OR51D1: variants seen among roughly 807,000 people sequenced by gnomAD.
The protein encoded by OR51D1 is olfactory receptor 51D1.
For missense variants in OR51D1, 452 were observed against 396.2 expected (o/e 1.14, Z -1.20); for synonymous variants, 187 against 161.1 (o/e 1.16, Z -1.22).
Position 4,640,742 on chromosome 11 carries a change from A to T in OR51D1, c.952A>T (p.Met318Leu), listed in dbSNP as rs762523485. ...AGAGATCTGTTCAAGGGTCCTCTGTATGTTCTCACAAGGTGGCAAGTGAGA... is the reference window on the plus strand; with the variant it reads ...AGAGATCTGTTCAAGGGTCCTCTGTTTGTTCTCACAAGGTGGCAAGTGAGA... ...TKEICSRVLC[M>L]FSQGGK Residue 318 changes from methionine to leucine, a missense_variant, in exon 2 of 2, where the codon ATG becomes TTG. Transcript: ENST00000641817. The T allele has an allele frequency of 6.8e-6, 11 of 1,611,416 alleles. No homozygotes were observed. The highest frequency in any genetic ancestry group is 8.5e-6 in the Non-Finnish European group (10 of 1,178,528).
chr11:4,639,653 T>C, intron 1 of OR51D1, 124 bp from the exon 2 acceptor site: 2 of 870,230 alleles, frequency 2.3e-6, no homozygotes, highest in East Asian at 4.9e-5. Context: ...GGGTTCAGAA[T>C]TACCAGGATG....
chr11:4,638,345 A>C (rs936415781), intron 1 of OR51D1, among the ~76,000 whole-genome samples: 5 of 152,140 alleles, frequency 3.3e-5, no homozygotes, highest in Admixed American at 1.3e-4. Context: ...ATCCAGGTAG[A>C]ACTATCAAGG....
In OR51D1 at chr11:4,640,048, C is replaced by G. The variant is rs753045991; in HGVS notation, c.258C>G (p.Leu86=). The G allele has an allele frequency of 2.5e-6, 4 of 1,614,166 alleles. No individual in the cohort carries two copies. Among genetic ancestry groups the G allele is most frequent in the Non-Finnish European group, 2.5e-6 (3 of 1,180,020 alleles). Residue 86 remains leucine (L), a synonymous_variant, in exon 2 of 2, where the codon CTC becomes CTG. Transcript: ENST00000641817. ...LAMLSTIDLV[L]SSITMPKMAS... ...TGCTTTCCACTATTGACCTAGTCCT[C>G]TCCTCTATCACCATGCCCAAGATGG... is the stretch of plus-strand genomic sequence containing the variant.
At position 4,639,904 on chromosome 11, in the gene OR51D1, T is replaced by C. The variant is rs1846940751; in HGVS notation, c.114T>C (p.Phe38=). Residue 38 remains phenylalanine, a synonymous_variant, in exon 2 of 2, where the codon TTT becomes TTC. Coordinates refer to ENST00000641817, the MANE Select transcript of OR51D1 (RefSeq NM_001004751.3). ...CTGGCCTGGGGCCTACCATACACTTTTGGCTGGCTTTCCCACTGTGTTTTA... is the reference window on the plus strand; with the variant it reads ...CTGGCCTGGGGCCTACCATACACTTCTGGCTGGCTTTCCCACTGTGTTTTA... The part of the protein sequence containing the change: ...GIPGLGPTIH[F]WLAFPLCFMY... 1 of 1,614,218 alleles carries C rather than the reference T, an allele frequency of 6.2e-7. No individual in the cohort carries two copies. The highest frequency in any genetic ancestry group is 8.5e-7 in the Non-Finnish European group (1 of 1,180,034).
rs1589859019 is a variant in OR51D1, at chr11:4,641,198, T to C, written c.*433T>C. 6.1e-6 allele frequency: 1 copy of C among 164,346 alleles called. No homozygotes were observed. The highest frequency in any genetic ancestry group is 1.3e-5 in the Non-Finnish European group (1 of 75,036). 10.2% of individuals were successfully genotyped at this position (164,346 alleles called of 1,614,324 possible). ...AGCCATAATCAGGGGTTAATGAAGGTATTTGGGGAATAGTAACTGGAGAGA... is the reference window on the plus strand; with the variant it reads ...AGCCATAATCAGGGGTTAATGAAGGCATTTGGGGAATAGTAACTGGAGAGA... On this transcript the variant is annotated 3_prime_UTR_variant, in exon 2 of 2. Coordinates refer to ENST00000641817, the MANE Select transcript of OR51D1 (RefSeq NM_001004751.3).
Position 4,640,328 on chromosome 11 carries a change from T to C in OR51D1, c.538T>C (p.Ser180Pro). 6.2e-7 allele frequency: 1 copy of C among 1,614,166 alleles called. No individual in the cohort carries two copies. Among genetic ancestry groups the C allele is most frequent in the South Asian group, 1.1e-5 (1 of 91,080 alleles). ...ACTGCCCTTCATCCTCAAGTGGTTG[T>C]CCTACTGCCAAACACATACTGTCAC... is the stretch of plus-strand genomic sequence containing the variant. ...FPLPFILKWLSYCQTHTVTHS... is the reference protein window; with the variant it reads ...FPLPFILKWLPYCQTHTVTHS... The change falls in exon 2 of 2, where the codon TCC becomes CCC. Residue 180 changes from serine (S) to proline (P), a missense_variant. Transcript: ENST00000641817.
In OR51D1 at chr11:4,642,310, G is replaced by A. The variant is rs537286764; in HGVS notation, c.*1545G>A. On this transcript the variant is annotated 3_prime_UTR_variant, in exon 2 of 2. Coordinates refer to ENST00000641817, the MANE Select transcript of OR51D1 (RefSeq NM_001004751.3). ...TAAACCCTGCCCTCCTGCCTCAATA[G>A]CAAGTCATGGTATCCTCACCTCTCC... 6.6e-6 allele frequency: 1 copy of A among 152,270 alleles called. No homozygotes were observed. The highest frequency in any genetic ancestry group is 1.9e-4 in the East Asian group (1 of 5,178). The allele number at this position is 152,270 out of a possible 1,614,324, so 9.4% of individuals were successfully genotyped here. A position where few individuals can be genotyped will look rare whatever the true frequency, so the allele number is the denominator to read the frequency against.
intron 1 of OR51D1, among the ~76,000 whole-genome samples, chr11:4,638,982 A>G (rs1449366992): frequency 6.6e-6 from 1 of 152,146 alleles, no homozygotes; most frequent in Non-Finnish European, 1.5e-5. Flanking sequence ...TAATAGAGGC[A>G]GGGTTTCACC....
chr11:4,640,687 C>A lies in OR51D1; in HGVS notation c.897C>A (p.Val299=). The change falls in exon 2 of 2, where the codon GTC becomes GTA. Residue 299 remains valine (V), a synonymous_variant. Transcript: ENST00000641817. Reference sequence around the variant, plus strand: ...CCTACTTGCTGCTACCACCTGTAGTCAACCCCCTTGTCTATGGAGCCAAGA... The same window carrying A: ...CCTACTTGCTGCTACCACCTGTAGTAAACCCCCTTGTCTATGGAGCCAAGA... ...ANTYLLLPPV[V]NPLVYGAKTK... 2 of 1,614,010 alleles carry A rather than the reference C, an allele frequency of 1.2e-6. No individual in the cohort carries two copies. The highest frequency in any genetic ancestry group is 1.7e-6 in the Non-Finnish European group (2 of 1,179,998).
At position 4,640,326 on chromosome 11, in the gene OR51D1, T is replaced by G. The variant is rs1253764000; in HGVS notation, c.536T>G (p.Leu179Trp). Residue 179 changes from leucine (L) to tryptophan (W), a missense_variant, in exon 2 of 2, where the codon TTG becomes TGG. Transcript: ENST00000641817. ...FFPLPFILKW[L>W]SYCQTHTVTH... ...CCACTGCCCTTCATCCTCAAGTGGT[T>G]GTCCTACTGCCAAACACATACTGTC... is the stretch of plus-strand genomic sequence containing the variant. 8 of 1,614,164 alleles carry G rather than the reference T, an allele frequency of 5.0e-6. No homozygotes were observed. Among genetic ancestry groups the G allele is most frequent in the Middle Eastern group, 1.6e-4 (1 of 6,062 alleles).
In OR51D1 at chr11:4,640,114, C is replaced by T. The variant is rs577409260; in HGVS notation, c.324C>T (p.Asn108=). 1 of 1,614,240 alleles carries T rather than the reference C, an allele frequency of 6.2e-7. No homozygotes were observed. The highest frequency in any genetic ancestry group is 1.7e-5 in the Admixed American group (1 of 60,026). ...TGGGCATCCAGGAGATCGAGTTCAACATTTGCCTGGCCCAGATGTTCCTTA... is the reference window on the plus strand; with the variant it reads ...TGGGCATCCAGGAGATCGAGTTCAATATTTGCCTGGCCCAGATGTTCCTTA... The part of the protein sequence containing the change: ...FLMGIQEIEF[N]ICLAQMFLIH... The change falls in exon 2 of 2, where the codon AAC becomes AAT. Residue 108 remains asparagine (N), a synonymous_variant. Transcript: ENST00000641817.
rs1300555946 is a variant in OR51D1 at position 4,642,217 on chromosome 11, G to A, written c.*1452G>A. ...CACACCTTCTTCATCCTGAACACAA[G>A]GATTTCAAGGGCTTTTGTTACCTCT... On this transcript the variant is annotated 3_prime_UTR_variant, in exon 2 of 2. Coordinates refer to ENST00000641817, the MANE Select transcript of OR51D1 (RefSeq NM_001004751.3). 6.6e-6 allele frequency: 1 copy of A among 152,134 alleles called. No individual in the cohort carries two copies. The highest frequency in any genetic ancestry group is 1.5e-5 in the Non-Finnish European group (1 of 68,052). The allele number at this position is 152,134 out of a possible 1,614,324, so 9.4% of individuals were successfully genotyped here.
In OR51D1 at chr11:4,640,984, G is replaced by A. The variant is rs1846961861; in HGVS notation, c.*219G>A. 18 of 482,074 alleles carry A rather than the reference G, an allele frequency of 3.7e-5. No homozygotes were observed. Among genetic ancestry groups the A allele is most frequent in the Middle Eastern group, 5.4e-4 (1 of 1,850 alleles). The allele number at this position is 482,074 out of a possible 1,614,324, so 29.9% of individuals were successfully genotyped here. A position where few individuals can be genotyped will look rare whatever the true frequency, so the allele number is the denominator to read the frequency against. ...CTGCACTAGTCCCTCTGCTATGGTGGTCTTGCCTTCTCCTTCTCTCTCAGC... is the reference window on the plus strand; with the variant it reads ...CTGCACTAGTCCCTCTGCTATGGTGATCTTGCCTTCTCCTTCTCTCTCAGC... On this transcript the variant is annotated 3_prime_UTR_variant, in exon 2 of 2. Transcript: ENST00000641817.
At chr11:4,639,392 T>C (rs991036703) in intron 1 of OR51D1, among the ~76,000 whole-genome samples, 1 of 152,154 alleles carries the variant, frequency 6.6e-6, no homozygotes, top group Non-Finnish European at 1.5e-5. Context: ...AGCTGGTCAA[T>C]GTGGACCATT....
In OR51D1 at chr11:4,640,079, C is replaced by G; in HGVS notation, c.289C>G (p.Leu97Val). Reference protein sequence around the residue: ...SSITMPKMASLFLMGIQEIEF... With the variant: ...SSITMPKMASVFLMGIQEIEF... ...TATCACCATGCCCAAGATGGCCAGTCTTTTCCTGATGGGCATCCAGGAGAT... is the reference window on the plus strand; with the variant it reads ...TATCACCATGCCCAAGATGGCCAGTGTTTTCCTGATGGGCATCCAGGAGAT... The change falls in exon 2 of 2, where the codon CTT (leucine) becomes GTT (valine). Residue 97 changes from leucine (L) to valine (V), a missense_variant. Coordinates refer to ENST00000641817, the MANE Select transcript of OR51D1 (RefSeq NM_001004751.3). 1 of 1,614,134 alleles carries G rather than the reference C, an allele frequency of 6.2e-7. No homozygotes were observed. The highest frequency in any genetic ancestry group is 1.1e-5 in the South Asian group (1 of 91,084).
At chr11:4,638,204 GA>G (rs1846920805) in intron 1 of OR51D1, among the ~76,000 whole-genome samples, 1 of 152,174 alleles carries the variant, frequency 6.6e-6, no homozygotes, top group Non-Finnish European at 1.5e-5. Context: ...TGAAAGAGGA[GA>G]CGGGTCAAGA....
At position 4,640,847 on chromosome 11, in the gene OR51D1, A is replaced by G. The variant is rs1228023710; in HGVS notation, c.*82A>G. 2.1e-5 allele frequency: 28 copies of G among 1,315,474 alleles called. 1 individual carries two copies. In the Admixed American group the frequency reaches 5.9e-4, roughly 28 times the overall value. 81.5% of individuals were successfully genotyped at this position (1,315,474 alleles called of 1,614,324 possible). A position where few individuals can be genotyped will look rare whatever the true frequency, so the allele number is the denominator to read the frequency against. ...TATTGAATGCCTTGGTGATTAAAGT[A>G]TCAAACCTATTGTGCTGTCTTCTTC... On this transcript the variant is annotated 3_prime_UTR_variant, in exon 2 of 2. Coordinates refer to ENST00000641817, the MANE Select transcript of OR51D1 (RefSeq NM_001004751.3).
rs369998789 is a variant in OR51D1 at position 4,640,004 on chromosome 11, A to G, written c.214A>G (p.Met72Val). 10 of 1,614,034 alleles carry G rather than the reference A, an allele frequency of 6.2e-6. No individual in the cohort carries two copies. The African/African-American group carries it at 1.1e-4, about 17-fold the overall frequency. Residue 72 changes from methionine (M) to valine (V), a missense_variant, in exon 2 of 2, where the codon ATG becomes GTG. Coordinates refer to ENST00000641817, the MANE Select transcript of OR51D1 (RefSeq NM_001004751.3). ...IRVERRLHEPMYLFLAMLSTI... is the reference protein window; with the variant it reads ...IRVERRLHEPVYLFLAMLSTI... The stretch of plus-strand genomic sequence containing the variant: ...TGTGGAGAGGCGACTGCATGAGCCC[A>G]TGTACCTCTTCCTGGCCATGCTTTC...
At chr11:4,639,473 C>T (rs1390367824) in intron 1 of OR51D1, among the ~76,000 whole-genome samples, 5 of 152,176 alleles carry the variant, frequency 3.3e-5, no homozygotes, top group Non-Finnish European at 7.3e-5. Flanking sequence ...AACATCAGCT[C>T]TGAAGATGCA....
Sources: allele counts gnomAD v4.1 joint callset (sites outside exome capture counted in the v4.1 genomes callset), GRCh38; gene constraint gnomAD v4.1.1; transcripts MANE v1.5; gene names NCBI Gene and HGNC (gene_info 2026-07-23, HGNC 2026-07-21).